PALS2: variants seen among roughly 807,000 people sequenced by gnomAD.
PALS2 encodes protein associated with LIN7 2, MAGUK p55 family member.
In PALS2, 27 loss-of-function variants were observed where a neutral mutation model predicts 61.6. The ratio of observed to expected loss-of-function variants is 0.44; its 90% CI spans 0.32 to 0.60. The LOEUF is 0.60. PALS2 is among the 20% of genes least tolerant of loss of function. PALS2 has a pLI of 0.05. For missense variants in PALS2, 554 were observed against 639.4 expected, an observed-to-expected ratio of 0.87 and a Z score of 1.44; for synonymous variants, 236 against 218.6, an observed-to-expected ratio of 1.08 and a Z score of -0.70.
chr7:24,668,593 A>T lies in PALS2; in HGVS notation c.1047A>T (p.Val349=). 1.9e-6 allele frequency: 3 copies of T among 1,614,016 alleles called. No individual in the cohort carries two copies. The highest frequency in any genetic ancestry group is 2.5e-6 in the Non-Finnish European group (3 of 1,179,928). Residue 349 remains valine, a synonymous_variant, in exon 9 of 12, where the codon GTA becomes GTT. Transcript: ENST00000222644. ...TAGTATTGATAGGAGCTCAAGGTGTAGGCCGAAGAAGCTTGAAAAACAGGT... is the reference window on the plus strand; with the variant it reads ...TAGTATTGATAGGAGCTCAAGGTGTTGGCCGAAGAAGCTTGAAAAACAGGT... The part of the protein sequence containing the change: ...KTLVLIGAQG[V]GRRSLKNRFI...
At position 24,607,227 on chromosome 7, in the gene PALS2, A is replaced by G. The variant is rs116840403; in HGVS notation, c.-2-16439A>G. Among the ~76,000 whole-genome samples, 425 of 152,272 alleles carry G rather than the reference A, an allele frequency of 2.8e-3. 3 individuals are homozygous for G. The highest frequency in any genetic ancestry group is 9.6e-3 in the African/African-American group (399 of 41,572). On this transcript the variant is annotated intron_variant, in intron 1 of 11. Coordinates refer to ENST00000222644, the MANE Select transcript of PALS2 (RefSeq NM_001303037.2). ...TAATTCAGAATTTAGTTTTTACTCT[A>G]TTTAATCACTCCTTTTGCCACACAT...
At chr7:24,675,687 C>T (rs1471465116) in intron 9 of PALS2, among the ~76,000 whole-genome samples, 4 of 140,108 alleles carry the variant, frequency 2.9e-5, no homozygotes, top group African/African-American at 1.1e-4. Context: ...TGATGATTTC[C>T]AATTTCATCC....
intron 2 of PALS2, among the ~76,000 whole-genome samples, chr7:24,638,084 G>A (rs1785327240): frequency 6.6e-6 from 1 of 151,396 alleles, no homozygotes; most frequent in African/African-American, 2.4e-5. Flanking sequence ...GTTGGTACTT[G>A]CCTCTTGAAA....
At chr7:24,622,795 T>G (rs1784574857) in intron 1 of PALS2, among the ~76,000 whole-genome samples, 1 of 151,504 alleles carries the variant, frequency 6.6e-6, no homozygotes, top group Non-Finnish European at 1.5e-5. Flanking sequence ...AAAAGCACCA[T>G]TAAGTATGAT....
chr7:24,629,748 T>C (rs900020962), intron 2 of PALS2, among the ~76,000 whole-genome samples: 9 of 152,120 alleles, frequency 5.9e-5, no homozygotes. Flanking sequence ...CACTGGTCAT[T>C]AGAGAAATGC....
At chr7:24,641,587 T>A in intron 2 of PALS2, 129 bp from the exon 3 acceptor site, 1 of 739,784 alleles carries the variant, frequency 1.4e-6, no homozygotes, top group Non-Finnish European at 2.1e-6. Flanking sequence ...GGTTGAAGTA[T>A]TAAATTTGGT....
chr7:24,639,212 A>G (rs1785389745), intron 2 of PALS2, among the ~76,000 whole-genome samples: 1 of 152,238 alleles, frequency 6.6e-6, no homozygotes, highest in South Asian at 2.1e-4. Flanking sequence ...ATTAACTGCA[A>G]TTTAATGTTA....
intron 2 of PALS2, among the ~76,000 whole-genome samples, chr7:24,626,496 G>A (rs1184642909): frequency 6.6e-6 from 1 of 152,022 alleles, no homozygotes; most frequent in African/African-American, 2.4e-5. Context: ...TAACCAGCTA[G>A]CATTATAATG....
chr7:24,590,870 T>C (rs1438537609), intron 1 of PALS2, among the ~76,000 whole-genome samples: 1 of 151,238 alleles, frequency 6.6e-6, no homozygotes, highest in Non-Finnish European at 1.5e-5. Flanking sequence ...TGAGGGGATG[T>C]TTTCAGTATT....
chr7:24,655,274 A>G (rs532020125), intron 5 of PALS2, among the ~76,000 whole-genome samples: 1 of 152,266 alleles, frequency 6.6e-6, no homozygotes, highest in African/African-American at 2.4e-5. Context: ...AAGCATATAA[A>G]CCCCAAAAGA....
chr7:24,575,387 G>A (rs1782606423), intron 1 of PALS2, among the ~76,000 whole-genome samples: 3 of 151,968 alleles, frequency 2.0e-5, no homozygotes, highest in Admixed American at 2.0e-4. Flanking sequence ...TTTTAAAAAT[G>A]AATCATATTT....
At chr7:24,646,903 T>C (rs1254062163) in intron 3 of PALS2, among the ~76,000 whole-genome samples, 1 of 152,146 alleles carries the variant, frequency 6.6e-6, no homozygotes, top group Non-Finnish European at 1.5e-5. Context: ...TCTAGGAATT[T>C]ATCTCTCTTC....
Position 24,680,414 on chromosome 7 carries a change from C to T in PALS2, c.1340C>T (p.Ser447Leu). The T allele has an allele frequency of 6.2e-7, 1 of 1,612,852 alleles. No homozygotes were observed. Among genetic ancestry groups the T allele is most frequent in the Non-Finnish European group, 8.5e-7 (1 of 1,178,926 alleles). Residue 447 changes from serine to leucine, a missense_variant, in exon 11 of 12, where the codon TCA becomes TTA. Physicochemically the swap from Ser to Leu is moderately radical, Grantham distance 145. Coordinates refer to ENST00000222644, the MANE Select transcript of PALS2 (RefSeq NM_001303037.2). ...CAGGCACTGAAAGTATTGAGGACATCAGAGTTTATGCCCTATGTGGTATTT... is the reference window on the plus strand; with the variant it reads ...CAGGCACTGAAAGTATTGAGGACATTAGAGTTTATGCCCTATGTGGTATTT... ...NPQALKVLRT[S>L]EFMPYVVFIA...
chr7:24,642,901 G>A (rs75248554), intron 3 of PALS2, among the ~76,000 whole-genome samples: 9,617 of 152,230 alleles, frequency 0.063, 355 homozygotes, highest in African/African-American at 0.093. Context: ...TGGAGGGGGA[G>A]ATGAATAGGA....
intron 2 of PALS2, among the ~76,000 whole-genome samples, chr7:24,628,929 A>G (rs1365387099): frequency 1.3e-5 from 2 of 152,204 alleles, no homozygotes; most frequent in Non-Finnish European, 2.9e-5. Context: ...AGTAATATAT[A>G]ATCTCAATGC....
At chr7:24,685,112 G>A (rs543050762) in intron 11 of PALS2, among the ~76,000 whole-genome samples, 16 of 151,534 alleles carry the variant, frequency 1.1e-4, no homozygotes, top group South Asian at 1.1e-3. Flanking sequence ...TCTCTTCCTC[G>A]TGCTCCCACC....
intron 1 of PALS2, among the ~76,000 whole-genome samples, chr7:24,601,059 G>T (rs1183018288): frequency 1.3e-5 from 2 of 152,004 alleles, no homozygotes; most frequent in African/African-American, 4.8e-5. Flanking sequence ...TTAGCTGACT[G>T]TTTTGGTATC....
At chr7:24,656,317 C>T (rs1470651403) in intron 5 of PALS2, among the ~76,000 whole-genome samples, 1 of 152,150 alleles carries the variant, frequency 6.6e-6, no homozygotes, top group Non-Finnish European at 1.5e-5. Context: ...TAATTATTGT[C>T]ATTTGCATAA....
intron 5 of PALS2, 41 bp from the exon 6 acceptor site, chr7:24,663,549 T>G (rs778704992): frequency 2.7e-6 from 4 of 1,507,378 alleles, no homozygotes; most frequent in African/African-American, 1.4e-5. Context: ...CAGTGGCAAG[T>G]GATACAACTA....
Sources: gnomAD v4.1 joint callset for allele counts (sites outside exome capture counted in the v4.1 genomes callset) on GRCh38, gnomAD v4.1.1 for gene constraint, MANE v1.5 for transcripts, NCBI Gene and HGNC (gene_info 2026-07-23, HGNC 2026-07-21) for gene names.